Variants in COL14A1 observed in about 807,000 individuals in gnomAD.
The protein encoded by COL14A1 is collagen alpha-1(XIV) chain.
COL14A1 carries 136 observed loss-of-function variants against 230.3 expected under a neutral mutation model. The ratio of observed to expected loss-of-function variants is 0.59; its 90% CI spans 0.51 to 0.68. The LOEUF is 0.68. Ranked by LOEUF, COL14A1 falls within the 30% of genes least tolerant of loss-of-function variation. The probability of loss-of-function intolerance (pLI) is 0.00; values close to 1 mark genes in which losing one functional copy is unlikely to be tolerated. For missense variants in COL14A1, 1,976 were observed against 2,215.8 expected (o/e 0.89, Z 2.17); for synonymous variants, 792 against 784.1 (o/e 1.01, Z -0.17).
At chr8:120,243,452 C>G (rs576708504) in intron 19 of COL14A1, among the ~76,000 whole-genome samples, 1 of 152,282 alleles carries the variant, frequency 6.6e-6, no homozygotes, top group Non-Finnish European at 1.5e-5. Flanking sequence ...GTCTGATTAT[C>G]TCTGAAGGAG....
chr8:120,229,136 G>A (rs1409110006), intron 18 of COL14A1, among the ~76,000 whole-genome samples: 9 of 124,852 alleles, frequency 7.2e-5, no homozygotes, highest in Non-Finnish European at 1.1e-4. Context: ...TATACTTTAA[G>A]TTTTAGGGTA....
chr8:120,188,016 T>G (rs180893531), intron 5 of COL14A1, among the ~76,000 whole-genome samples: 2 of 152,006 alleles, frequency 1.3e-5, no homozygotes, highest in Non-Finnish European at 2.9e-5. Flanking sequence ...ATGGGAATAA[T>G]AGTAATGGTA....
intron 42 of COL14A1, among the ~76,000 whole-genome samples, chr8:120,339,271 G>A (rs1048596960): frequency 2.5e-4 from 38 of 152,324 alleles, no homozygotes; most frequent in African/African-American, 7.0e-4. Flanking sequence ...GATTACAGGC[G>A]TGAGCCACCG....
chr8:120,203,326 T>C (rs1025307233), intron 8 of COL14A1, among the ~76,000 whole-genome samples: 2 of 141,686 alleles, frequency 1.4e-5, no homozygotes, highest in African/African-American at 5.3e-5. Context: ...GTGGGGAGGG[T>C]AACTGAAACA....
chr8:120,359,238 C>T (rs1823102593), intron 45 of COL14A1, among the ~76,000 whole-genome samples: 1 of 152,044 alleles, frequency 6.6e-6, no homozygotes, highest in South Asian at 2.1e-4. Context: ...CCCCCAACCC[C>T]CTGACAGCCC....
At chr8:120,313,291 G>A (rs535990774) in intron 37 of COL14A1, among the ~76,000 whole-genome samples, 5 of 152,086 alleles carry the variant, frequency 3.3e-5, no homozygotes, top group African/African-American at 9.6e-5. Flanking sequence ...ACCTGGGAGC[G>A]GGAGGTTGCA....
intron 1 of COL14A1, among the ~76,000 whole-genome samples, chr8:120,144,672 C>A (rs1312141983): frequency 6.6e-6 from 1 of 152,092 alleles, no homozygotes; most frequent in Non-Finnish European, 1.5e-5. Flanking sequence ...ACGTCGATTG[C>A]AAACAATGCA....
chr8:120,298,316 T>G (rs1262377921), intron 35 of COL14A1, among the ~76,000 whole-genome samples: 3 of 151,746 alleles, frequency 2.0e-5, no homozygotes, highest in African/African-American at 7.3e-5. Context: ...TTTTAAAACA[T>G]TCACAGGACC....
At chr8:120,365,054 A>G (rs1823361272) in intron 45 of COL14A1, among the ~76,000 whole-genome samples, 1 of 152,020 alleles carries the variant, frequency 6.6e-6, no homozygotes. Flanking sequence ...TCTTACCTCG[A>G]CATATGTTAC....
intron 45 of COL14A1, among the ~76,000 whole-genome samples, chr8:120,347,527 C>CTTTGGCAAAGTTAT (rs923939577): frequency 3.3e-5 from 5 of 152,158 alleles, no homozygotes; most frequent in Non-Finnish European, 7.4e-5. Flanking sequence ...GTTATTTCAG[C>CTTTGGCAAAGTTAT]TGCAGCTTGG....
At chr8:120,357,676 C>T (rs1823033667) in intron 45 of COL14A1, among the ~76,000 whole-genome samples, 1 of 151,988 alleles carries the variant, frequency 6.6e-6, no homozygotes, top group African/African-American at 2.4e-5. Context: ...ATGCTCTCAT[C>T]CACGAAATGA....
chr8:120,141,107 C>T (rs1814893613), intron 1 of COL14A1, among the ~76,000 whole-genome samples: 1 of 152,158 alleles, frequency 6.6e-6, no homozygotes, highest in African/African-American at 2.4e-5. Context: ...TATCTCATGG[C>T]ATTTTAATAG....
At position 120,196,898 on chromosome 8, in the gene COL14A1, G is replaced by T; in HGVS notation, c.544G>T (p.Glu182Ter). The change falls in exon 6 of 48, where the codon GAA becomes TAA. Residue 182 changes from glutamate to a stop codon, truncating the protein, a stop_gained. Transcript: ENST00000297848. LOFTEE classifies it high-confidence loss of function. Reference protein sequence around the residue: ...FNFRLVRHFLENLVTAFDVGS... With the variant: ...FNFRLVRHFL The stretch of plus-strand genomic sequence containing the variant: ...CTTCAGACTGGTTCGGCATTTCTTG[G>T]AAAACCTGGTTACAGCATTCGATGT... 6.2e-7 allele frequency: 1 copy of T among 1,614,070 alleles called. No homozygotes were observed. The highest frequency in any genetic ancestry group is 2.2e-5 in the East Asian group (1 of 44,868).
rs576939608 is a variant in COL14A1 at position 120,312,478 on chromosome 8, A to G, written c.4456-1454A>G. Among the ~76,000 whole-genome samples, 6 of 152,266 alleles carry G rather than the reference A, an allele frequency of 3.9e-5. No individual in the cohort carries two copies. In the East Asian group the frequency reaches 7.7e-4, roughly 20 times the overall value. ...AATTTCTCCTCCTTTGGCTGTTTCT[A>G]TAGCACAATACCACTCCGTCTTCAG... On this transcript the variant is annotated intron_variant, in intron 37 of 47. Transcript: ENST00000297848.
intron 3 of COL14A1, among the ~76,000 whole-genome samples, chr8:120,159,722 C>T (rs117068860): frequency 0.24 from 36,740 of 152,022 alleles, 4,845 homozygotes; most frequent in South Asian, 0.3. Context: ...CTGAGTTTCG[C>T]TCTTTGTTGC....
intron 19 of COL14A1, among the ~76,000 whole-genome samples, chr8:120,234,455 T>A (rs941427422): frequency 2.0e-5 from 3 of 152,230 alleles, no homozygotes; most frequent in Non-Finnish European, 2.9e-5. Context: ...GGGTTTGTCA[T>A]AAATAGCTCT....
chr8:120,330,823 C>A (rs901248144), intron 40 of COL14A1, among the ~76,000 whole-genome samples: 4 of 152,138 alleles, frequency 2.6e-5, no homozygotes, highest in Non-Finnish European at 4.4e-5. Flanking sequence ...GATGGATTTT[C>A]TGTCGGGTGT....
chr8:120,361,790 G>T (rs1823227629), intron 45 of COL14A1, among the ~76,000 whole-genome samples: 1 of 152,174 alleles, frequency 6.6e-6, no homozygotes, highest in South Asian at 2.1e-4. Flanking sequence ...GAGACTCCAG[G>T]CTGGAGTGCG....
intron 42 of COL14A1, among the ~76,000 whole-genome samples, chr8:120,340,567 G>C (rs1822259238): frequency 6.6e-6 from 1 of 152,152 alleles, no homozygotes; most frequent in Non-Finnish European, 1.5e-5. Context: ...AATGAACATT[G>C]CCTCAGAGTT....
Sources: gnomAD v4.1 joint callset for allele counts (sites outside exome capture counted in the v4.1 genomes callset) on GRCh38, gnomAD v4.1.1 for gene constraint, MANE v1.5 for transcripts, NCBI Gene and HGNC (gene_info 2026-07-23, HGNC 2026-07-21) for gene names.